The following TMEM181 variants were observed in gnomAD, a reference collection of about 807,000 sequenced individuals.
The protein encoded by TMEM181 is transmembrane protein 181.
A neutral mutation model predicts 71.9 loss-of-function variants in TMEM181; 39 were observed. That is an observed-to-expected ratio of 0.54 (90% CI 0.42 to 0.71). TMEM181 has a LOEUF of 0.71. Ranked by LOEUF, TMEM181 falls within the 30% of genes least tolerant of loss-of-function variation. The probability of loss-of-function intolerance (pLI) is 0.00; values close to 1 mark genes in which losing one functional copy is unlikely to be tolerated. For missense variants in TMEM181, 595 were observed against 583.0 expected, an observed-to-expected ratio of 1.02 and a Z score of -0.21; for synonymous variants, 245 against 228.8, an observed-to-expected ratio of 1.07 and a Z score of -0.64.
At chr6:158,574,587 A>G (rs989394518) in intron 2 of TMEM181, among the ~76,000 whole-genome samples, 5 of 152,188 alleles carry the variant, frequency 3.3e-5, no homozygotes, top group African/African-American at 1.2e-4. Context: ...AACCCTCTCC[A>G]TTCTTGCAGA....
intron 6 of TMEM181, among the ~76,000 whole-genome samples, chr6:158,592,005 C>T (rs1784137126): frequency 6.6e-6 from 1 of 152,192 alleles, no homozygotes; most frequent in African/African-American, 2.4e-5. Context: ...AAAGACGTTA[C>T]CATGGGAACC....
At position 158,626,840 on chromosome 6, in the gene TMEM181, A is replaced by C. The variant is rs551288699; in HGVS notation, c.1109+1086A>C. On this transcript the variant is annotated intron_variant, in intron 13 of 16. Transcript: ENST00000684151. ...CCCTCACACACACACCTTCACACAC[A>C]CCCTCATTTTCACACATCCTCACAC... The C allele has an allele frequency of 1.1e-3, 449 of 402,348 alleles. 7 individuals carry two copies. Among genetic ancestry groups the C allele is most frequent in the South Asian group, 7.2e-3 (425 of 58,808 alleles). 24.9% of individuals were successfully genotyped at this position (402,348 alleles called of 1,614,324 possible).
intron 13 of TMEM181, 160 bp from the exon 14 acceptor site, chr6:158,628,248 G>A (rs192435773): frequency 8.4e-5 from 61 of 726,630 alleles, no homozygotes; most frequent in Non-Finnish European, 1.4e-4. Context: ...GTGTGCATGT[G>A]TGCATCTGTG....
chr6:158,616,317 T>C (rs1192598930), intron 10 of TMEM181, among the ~76,000 whole-genome samples: 1 of 151,288 alleles, frequency 6.6e-6, no homozygotes, highest in African/African-American at 2.5e-5. Context: ...ATGTTTGTGA[T>C]TTTTGCACAT....
chr6:158,606,202 G>A (rs924203675), intron 7 of TMEM181, among the ~76,000 whole-genome samples: 2 of 147,922 alleles, frequency 1.4e-5, no homozygotes, highest in African/African-American at 2.5e-5. Context: ...AGGGAGGGGC[G>A]TGGGCGCTAG....
At chr6:158,557,491 C>G (rs1456157775), upstream of TMEM181, among the ~76,000 whole-genome samples, 1 of 141,310 alleles carries the variant, frequency 7.1e-6, no homozygotes, top group African/African-American at 2.8e-5. Flanking sequence ...ATTTCCTTTT[C>G]TATCACAGCT....
chr6:158,562,289 C>T (rs911567321), intron 1 of TMEM181, among the ~76,000 whole-genome samples: 20 of 152,264 alleles, frequency 1.3e-4, no homozygotes, highest in East Asian at 1.9e-4. Context: ...ATGCTAGGGA[C>T]GGGAGAGGTG....
intron 15 of TMEM181, among the ~76,000 whole-genome samples, chr6:158,630,853 C>G (rs773545828): frequency 1.1e-4 from 17 of 151,950 alleles, no homozygotes; most frequent in Non-Finnish European, 2.1e-4. Context: ...TTATAGTGGG[C>G]TAGCACTTGC....
At chr6:158,570,817 A>G (rs1464569090) in intron 1 of TMEM181, among the ~76,000 whole-genome samples, 1 of 151,844 alleles carries the variant, frequency 6.6e-6, no homozygotes, top group African/African-American at 2.4e-5. Flanking sequence ...TTTCCCCACC[A>G]TCTAGTCCAT....
chr6:158,630,185 T>C (rs916382682), intron 15 of TMEM181, among the ~76,000 whole-genome samples: 1 of 152,206 alleles, frequency 6.6e-6, no homozygotes, highest in Non-Finnish European at 1.5e-5. Flanking sequence ...CAGTACAGCA[T>C]TCAGCAAATT....
intron 2 of TMEM181, among the ~76,000 whole-genome samples, chr6:158,575,967 C>A (rs902378094): frequency 1.3e-5 from 2 of 152,148 alleles, no homozygotes; most frequent in Admixed American, 1.3e-4. Context: ...CACGGTGTTT[C>A]CTTTGACTAC....
chr6:158,543,485 G>C (rs1039753716), intron 1 of TMEM181, among the ~76,000 whole-genome samples: 2 of 152,216 alleles, frequency 1.3e-5, no homozygotes, highest in Non-Finnish European at 1.5e-5. Context: ...AAGCAACAGG[G>C]ATGTATCGTC....
intron 10 of TMEM181, among the ~76,000 whole-genome samples, chr6:158,618,376 C>T (rs911533614): frequency 6.6e-6 from 1 of 152,056 alleles, no homozygotes; most frequent in African/African-American, 2.4e-5. Context: ...TATTTTGAGC[C>T]TATGTGTGTC....
chr6:158,596,833 T>C lies in TMEM181; in HGVS notation c.492+7051T>C, dbSNP rs143703496. Reference sequence around the variant, plus strand: ...AACCCATCAGGTCTCGTGAGACTTATTCACTATCAAGAGAATAGCACGGGA... The same window carrying C: ...AACCCATCAGGTCTCGTGAGACTTACTCACTATCAAGAGAATAGCACGGGA... On this transcript the variant is annotated intron_variant, in intron 6 of 16. Coordinates refer to ENST00000684151, the MANE Select transcript of TMEM181 (RefSeq NM_001376852.1). Among the ~76,000 whole-genome samples the C allele has an allele frequency of 1.2e-3, 186 of 152,274 alleles. 1 individual carries two copies. The highest frequency in any genetic ancestry group is 2.1e-3 in the Non-Finnish European group (141 of 68,026).
At chr6:158,628,896 G>A (rs139952166) in intron 14 of TMEM181, among the ~76,000 whole-genome samples, 1 of 152,350 alleles carries the variant, frequency 6.6e-6, no homozygotes, top group Middle Eastern at 3.4e-3. Context: ...AGAGCACTGT[G>A]GGGTGGCTGA....
chr6:158,629,734 C>A lies in TMEM181; in HGVS notation c.1197C>A (p.Ala399=). 6.2e-7 allele frequency: 1 copy of A among 1,607,248 alleles called. No individual in the cohort carries two copies. Among genetic ancestry groups the A allele is most frequent in the Non-Finnish European group, 8.5e-7 (1 of 1,176,274 alleles). The change falls in exon 15 of 17, where the codon GCC becomes GCA. Residue 399 remains alanine (A), a synonymous_variant. Transcript: ENST00000684151. ...TCCTTCCCTTGACAGCACCACCAGCCGAGTTCTTATCTTTCTATGGCCTGT... is the reference window on the plus strand; with the variant it reads ...TCCTTCCCTTGACAGCACCACCAGCAGAGTTCTTATCTTTCTATGGCCTGT... The part of the protein sequence containing the change: ...AELSTHYQNS[A]EFLSFYGLLN...
chr6:158,587,349 C>G (rs1244451422), intron 5 of TMEM181, among the ~76,000 whole-genome samples: 3 of 152,174 alleles, frequency 2.0e-5, no homozygotes, highest in African/African-American at 7.2e-5. Flanking sequence ...GTTGTTGGCC[C>G]TACCTCATTT....
At chr6:158,548,783 G>A (rs182917014) in intron 1 of TMEM181, among the ~76,000 whole-genome samples, 8 of 152,332 alleles carry the variant, frequency 5.3e-5, no homozygotes, top group African/African-American at 9.6e-5. Flanking sequence ...AGGCTTGCAC[G>A]GTGAAGTCAT....
chr6:158,599,953 C>T (rs1177204485), intron 6 of TMEM181, among the ~76,000 whole-genome samples: 1 of 152,110 alleles, frequency 6.6e-6, no homozygotes, highest in Non-Finnish European at 1.5e-5. Flanking sequence ...AATGGCTTTT[C>T]CCGGAACCAG....
Sources: gnomAD v4.1 joint callset for allele counts (sites outside exome capture counted in the v4.1 genomes callset) on GRCh38, gnomAD v4.1.1 for gene constraint, MANE v1.5 for transcripts, NCBI Gene and HGNC (gene_info 2026-07-23, HGNC 2026-07-21) for gene names.